GRHL1: variants seen among roughly 807,000 people sequenced by gnomAD.
The protein encoded by GRHL1 is grainyhead like transcription factor 1.
In GRHL1, 38 loss-of-function variants were observed where a neutral mutation model predicts 75.7. The ratio of observed to expected loss-of-function variants is 0.50; its 90% CI spans 0.39 to 0.66. The LOEUF is 0.66. GRHL1 is among the 30% of genes least tolerant of loss of function. The pLI is 0.00. For synonymous variants in GRHL1, 266 were observed against 279.4 expected, an observed-to-expected ratio of 0.95 and a Z score of 0.48; for missense variants, 589 against 767.5, an observed-to-expected ratio of 0.77 and a Z score of 2.75.
rs76073139 is a variant in GRHL1 at position 9,988,142 on chromosome 2, T to C, written c.1269+1860T>C. ...CTGGGTGCTCGACATTTTTGTATTA[T>C]TGTGAATCTCCTTGAATTTTGTCCT... is the stretch of plus-strand genomic sequence containing the variant. On this transcript the variant is annotated intron_variant, in intron 9 of 15. Transcript: ENST00000324907. Among the ~76,000 whole-genome samples, 818 of 152,280 alleles carry C rather than the reference T, an allele frequency of 5.4e-3. 11 individuals are homozygous for C. The highest frequency in any genetic ancestry group is 0.019 in the African/African-American group (769 of 41,546).
At position 9,991,916 on chromosome 2, in the gene GRHL1, T is replaced by TACTCAGAGGCGAGC. The variant is rs1236120569; in HGVS notation, c.1322-86_1322-73dup. 4 of 965,954 alleles carry TACTCAGAGGCGAGC rather than the reference T, an allele frequency of 4.1e-6. No homozygotes were observed. In the East Asian group the frequency reaches 1.0e-4, roughly 25 times the overall value. The allele number at this position is 965,954 out of a possible 1,614,324, so 59.8% of individuals were successfully genotyped here. On this transcript the variant is annotated intron_variant, in intron 10 of 15. Transcript: ENST00000324907. The stretch of plus-strand genomic sequence containing the variant: ...ACAGAGTGCTACACTTGGAGTATCT[T>TACTCAGAGGCGAGC]ACTCAGAGGCGAGCACTCTGTGGCC...
At chr2:9,965,701 T>C (rs768012384) in intron 8 of GRHL1, 2 of 293,156 alleles carry the variant, frequency 6.8e-6, no homozygotes, top group Non-Finnish European at 1.3e-5. Context: ...ATCTGTCTCC[T>C]CCCTCTATTG....
chr2:10,001,285 A>C lies in GRHL1; in HGVS notation c.*578A>C, dbSNP rs1238991263. 2.6e-5 allele frequency: 4 copies of C among 152,666 alleles called. No homozygotes were observed. Among genetic ancestry groups the C allele is most frequent in the Non-Finnish European group, 5.9e-5 (4 of 68,048 alleles). The allele number at this position is 152,666 out of a possible 1,614,324, so 9.5% of individuals were successfully genotyped here. A position where few individuals can be genotyped will look rare whatever the true frequency, so the allele number is the denominator to read the frequency against. On this transcript the variant is annotated 3_prime_UTR_variant, in exon 16 of 16. Coordinates refer to ENST00000324907, the MANE Select transcript of GRHL1 (RefSeq NM_198182.3). ...AAATCTTCCTTTGCGACTTTCTCGG[A>C]CATATCAACTGCCTTTCTCATGAAG... is the stretch of plus-strand genomic sequence containing the variant.
intron 8 of GRHL1, among the ~76,000 whole-genome samples, chr2:9,976,111 G>GA (rs1667937819): frequency 6.6e-6 from 1 of 152,134 alleles, no homozygotes; most frequent in Non-Finnish European, 1.5e-5. Context: ...ATTCGTCCAG[G>GA]AAACGTGTAT....
chr2:9,999,549 G>A (rs942990856), intron 15 of GRHL1, among the ~76,000 whole-genome samples: 5 of 152,248 alleles, frequency 3.3e-5, no homozygotes, highest in African/African-American at 1.2e-4. Flanking sequence ...ATAGACAGGC[G>A]GCTGAGGCTC....
intron 8 of GRHL1, among the ~76,000 whole-genome samples, chr2:9,974,171 T>G (rs942399448): frequency 6.6e-6 from 1 of 152,236 alleles, no homozygotes; most frequent in African/African-American, 2.4e-5. Context: ...CTTGGCTTTG[T>G]CACCTGTTTA....
rs578161734 is a variant in GRHL1 at position 9,964,770 on chromosome 2, C to T, written c.1015+424C>T. The T allele has an allele frequency of 4.9e-4, 84 of 172,768 alleles. 1 individual carries two copies. Among genetic ancestry groups the T allele is most frequent in the African/African-American group, 1.8e-3 (75 of 42,048 alleles). The allele number at this position is 172,768 out of a possible 1,614,324, so 10.7% of individuals were successfully genotyped here. A position where few individuals can be genotyped will look rare whatever the true frequency, so the allele number is the denominator to read the frequency against. On this transcript the variant is annotated intron_variant, in intron 7 of 15. Coordinates refer to ENST00000324907, the MANE Select transcript of GRHL1 (RefSeq NM_198182.3). Reference sequence around the variant, plus strand: ...CAGTCTTCCCTAGTCACGTGCTAAACCGTGTAACTAACCTCTCTGTGGGCT... The same window carrying T: ...CAGTCTTCCCTAGTCACGTGCTAAATCGTGTAACTAACCTCTCTGTGGGCT...
At position 9,990,944 on chromosome 2, in the gene GRHL1, T is replaced by TG. The variant is rs1668612819; in HGVS notation, c.1321+201dup. Among the ~76,000 whole-genome samples the TG allele has an allele frequency of 4.6e-5, 7 of 152,286 alleles. No individual in the cohort carries two copies. The South Asian group carries it at 1.5e-3, about 32-fold the overall frequency. ...GCCAGCTCAGCGGGAGGGGTTTTCCTGGGGACTACAGGATAGATCCCTGGG... is the reference window on the plus strand; with the variant it reads ...GCCAGCTCAGCGGGAGGGGTTTTCCTGGGGGACTACAGGATAGATCCCTGGG... On this transcript the variant is annotated intron_variant, in intron 10 of 15. Transcript: ENST00000324907. The surrounding 1 kb of genome is among the most constrained non-coding windows in gnomAD (Gnocchi z 4.2).
chr2:9,958,141 G>A (rs1361323974), intron 2 of GRHL1, among the ~76,000 whole-genome samples: 1 of 151,704 alleles, frequency 6.6e-6, no homozygotes, highest in Admixed American at 6.6e-5. Context: ...GTAGATAAAC[G>A]AGTAAAACCA....
intron 8 of GRHL1, among the ~76,000 whole-genome samples, chr2:9,982,017 T>G (rs1425435117): frequency 6.6e-6 from 1 of 152,230 alleles, no homozygotes; most frequent in African/African-American, 2.4e-5. Context: ...TTGTTTATTT[T>G]TGTGGTTAAT....
Position 9,990,180 on chromosome 2 carries a change from G to A in GRHL1, c.1270-516G>A, listed in dbSNP as rs956806409. ...CTTTTTTTTTTTGAGACAGAGTTTC[G>A]CTTTGTCACCCAGGCTGGAGTGCAG... On this transcript the variant is annotated intron_variant, in intron 9 of 15. Transcript: ENST00000324907. The surrounding 1 kb of genome is among the most constrained non-coding windows in gnomAD (Gnocchi z 4.2). Among the ~76,000 whole-genome samples the A allele has an allele frequency of 1.3e-5, 2 of 150,890 alleles. No individual in the cohort carries two copies. Among genetic ancestry groups the A allele is most frequent in the Admixed American group, 6.6e-5 (1 of 15,138 alleles).
chr2:9,981,095 AGG>A (rs1558307038), intron 8 of GRHL1, among the ~76,000 whole-genome samples: 1 of 152,236 alleles, frequency 6.6e-6, no homozygotes, highest in African/African-American at 2.4e-5. Context: ...ACTGGACCCA[AGG>A]GAGAGCTCTG....
intron 14 of GRHL1, among the ~76,000 whole-genome samples, chr2:9,997,382 G>A (rs1019407985): frequency 4.6e-5 from 7 of 152,128 alleles, no homozygotes; most frequent in Admixed American, 2.6e-4. Context: ...TCAGCCAGGC[G>A]CCCCAAGTCC....
chr2:9,952,620 A>G (rs1297395959), intron 1 of GRHL1, among the ~76,000 whole-genome samples: 1 of 151,940 alleles, frequency 6.6e-6, no homozygotes, highest in African/African-American at 2.4e-5. Context: ...TGGTAGTGTA[A>G]TAAGGCATGG....
At chr2:9,970,465 T>G (rs1667677625) in intron 8 of GRHL1, among the ~76,000 whole-genome samples, 1 of 95,894 alleles carries the variant, frequency 1.0e-5, no homozygotes, top group African/African-American at 4.5e-5. Flanking sequence ...CTTTGGAAAG[T>G]CTTTATCAAA....
At chr2:9,964,822 A>G (rs1667421809) in intron 7 of GRHL1, 1 of 168,896 alleles carries the variant, frequency 5.9e-6, no homozygotes, top group Admixed American at 5.7e-5. Context: ...GCAAATCTGT[A>G]TTTACTGAAG....
At chr2:9,963,250 C>T (rs1311433992) in intron 5 of GRHL1, among the ~76,000 whole-genome samples, 1 of 152,160 alleles carries the variant, frequency 6.6e-6, no homozygotes, top group Non-Finnish European at 1.5e-5. Context: ...GGCCATACAA[C>T]CTCTGTATAT....
At chr2:9,985,091 G>A (rs1447043663) in intron 8 of GRHL1, among the ~76,000 whole-genome samples, 1 of 151,738 alleles carries the variant, frequency 6.6e-6, no homozygotes, top group Non-Finnish European at 1.5e-5. Flanking sequence ...AATTGCTCCT[G>A]TGGGAAGTGG....
intron 5 of GRHL1, among the ~76,000 whole-genome samples, chr2:9,963,253 CTG>C (rs1298967776): frequency 6.6e-6 from 1 of 152,188 alleles, no homozygotes; most frequent in Non-Finnish European, 1.5e-5. Flanking sequence ...CATACAACCT[CTG>C]TATATTTTTG....
Sources: gnomAD v4.1 joint callset for allele counts (sites outside exome capture counted in the v4.1 genomes callset) on GRCh38, gnomAD v4.1.1 for gene constraint, Gnocchi (gnomAD v3.1) non-coding constraint, MANE v1.5 for transcripts, NCBI Gene and HGNC (gene_info 2026-07-23, HGNC 2026-07-21) for gene names.